CHL1: variants seen among roughly 807,000 people sequenced by gnomAD.
The protein encoded by CHL1 is cell adhesion molecule L1 like.
Under a neutral mutation model 141.9 loss-of-function variants are expected in CHL1, and 96 were observed. That is an observed-to-expected ratio of 0.68 (90% CI 0.57 to 0.80). The LOEUF (loss-of-function observed/expected upper bound fraction) is 0.80, where lower values mean the gene tolerates loss of function less well. Among genes scored for constraint, CHL1 ranks in the 30% least tolerant of loss-of-function variants. The pLI is 0.00. For missense variants in CHL1, 1,820 were observed against 1,457.2 expected, an observed-to-expected ratio of 1.25 and a Z score of -4.05; for synonymous variants, 613 against 502.2, an observed-to-expected ratio of 1.22 and a Z score of -2.95.
At chr3:395,457 T>C (rs543210584) in intron 24 of CHL1, among the ~76,000 whole-genome samples, 4 of 152,338 alleles carry the variant, frequency 2.6e-5, no homozygotes, top group Admixed American at 2.0e-4. Flanking sequence ...AACCATTTCC[T>C]TTCCCAAATT....
chr3:363,803 T>G (rs1158805370), intron 14 of CHL1: 2 of 157,096 alleles, frequency 1.3e-5, no homozygotes, highest in African/African-American at 4.8e-5. Context: ...GGGTTTTTGA[T>G]CCTCTTTTTG....
chr3:288,354 G>T (rs3933034), intron 2 of CHL1, among the ~76,000 whole-genome samples: 59,240 of 150,978 alleles, frequency 0.39, 11,872 homozygotes, highest in South Asian at 0.57. Context: ...ATATATACAG[G>T]CATAATTTAC....
At chr3:197,688 TG>T (rs1559254549) in intron 1 of CHL1, 1 of 412,668 alleles carries the variant, frequency 2.4e-6, no homozygotes, top group Non-Finnish European at 4.8e-6. Context: ...ACCGTGGGGT[TG>T]TGGGGTTGGG....
At chr3:362,540 G>T (rs1021582728) in intron 13 of CHL1, among the ~76,000 whole-genome samples, 1 of 151,842 alleles carries the variant, frequency 6.6e-6, no homozygotes, top group Non-Finnish European at 1.5e-5. Flanking sequence ...GTTAAATTTT[G>T]CATCTGGGGC....
intron 5 of CHL1, among the ~76,000 whole-genome samples, chr3:338,453 A>G (rs1277287636): frequency 6.6e-6 from 1 of 152,194 alleles, no homozygotes; most frequent in African/African-American, 2.4e-5. Flanking sequence ...TCATTTCTTT[A>G]TCTGAATTGA....
chr3:267,994 G>C (rs955797054), intron 2 of CHL1, among the ~76,000 whole-genome samples: 1 of 152,072 alleles, frequency 6.6e-6, no homozygotes, highest in Non-Finnish European at 1.5e-5. Flanking sequence ...GAAAAACCAT[G>C]CTTTGGTTTC....
chr3:292,726 A>G (rs1417393307), intron 2 of CHL1, among the ~76,000 whole-genome samples: 1 of 152,200 alleles, frequency 6.6e-6, no homozygotes, highest in East Asian at 1.9e-4. Flanking sequence ...GCTTTTACTC[A>G]TGGTGGAAGG....
intron 19 of CHL1, among the ~76,000 whole-genome samples, chr3:386,224 AAG>A (rs1387506735): frequency 2.0e-5 from 3 of 149,896 alleles, no homozygotes; most frequent in African/African-American, 7.6e-5. Context: ...AAAAAAAAAA[AAG>A]CTGATCTTTC....
At chr3:386,962 C>G (rs1246827840) in intron 19 of CHL1, among the ~76,000 whole-genome samples, 3 of 149,618 alleles carry the variant, frequency 2.0e-5, no homozygotes, top group South Asian at 2.1e-4. Context: ...TTTAGCCACT[C>G]CACAATGTAT....
intron 15 of CHL1, among the ~76,000 whole-genome samples, chr3:377,495 A>G (rs1481077145): frequency 2.6e-5 from 4 of 152,174 alleles, no homozygotes; most frequent in South Asian, 2.1e-4. Context: ...ACTCAAATAT[A>G]TCTTGGCCAT....
At chr3:360,564 T>A in intron 12 of CHL1, 140 bp downstream of exon 12, 1 of 830,662 alleles carries the variant, frequency 1.2e-6, no homozygotes, top group Non-Finnish European at 1.9e-6. Flanking sequence ...ATTTGAGTTT[T>A]AGACTTCACA....
At chr3:200,458 A>AT (rs376349970) in intron 1 of CHL1, among the ~76,000 whole-genome samples, 28 of 152,256 alleles carry the variant, frequency 1.8e-4, no homozygotes, top group African/African-American at 6.3e-4. Context: ...GTTCCTTGTT[A>AT]TTTTTTCAAA....
At chr3:339,049 C>G (rs952626183) in intron 5 of CHL1, among the ~76,000 whole-genome samples, 1 of 152,120 alleles carries the variant, frequency 6.6e-6, no homozygotes, top group Non-Finnish European at 1.5e-5. Flanking sequence ...ATTACATGCC[C>G]TTTCCATTTT....
At chr3:396,596 T>TTTTC (rs1419272655) in intron 24 of CHL1, among the ~76,000 whole-genome samples, 1 of 151,952 alleles carries the variant, frequency 6.6e-6, no homozygotes, top group Non-Finnish European at 1.5e-5. Flanking sequence ...ATGTGGCATC[T>TTTTC]TTTCTTTAAA....
chr3:225,277 C>T (rs1219520129), intron 1 of CHL1, among the ~76,000 whole-genome samples: 1 of 152,168 alleles, frequency 6.6e-6, no homozygotes, highest in East Asian at 1.9e-4. Flanking sequence ...ATGAGCAACT[C>T]AGAATGATCT....
At chr3:321,581 T>C (rs1559251077) in intron 3 of CHL1, among the ~76,000 whole-genome samples, 2 of 152,098 alleles carry the variant, frequency 1.3e-5, no homozygotes, top group Non-Finnish European at 2.9e-5. Context: ...TTGACCATAA[T>C]CTCTGGCATA....
chr3:282,153 C>T (rs1027213489), intron 2 of CHL1, among the ~76,000 whole-genome samples: 1 of 152,066 alleles, frequency 6.6e-6, no homozygotes, highest in Admixed American at 6.6e-5. Flanking sequence ...AGCTTTAAAA[C>T]TATTTTCTTA....
chr3:347,691 G>T (rs756917249), intron 9 of CHL1, among the ~76,000 whole-genome samples: 7 of 152,128 alleles, frequency 4.6e-5, no homozygotes, highest in African/African-American at 1.7e-4. Context: ...TTGGCAAATT[G>T]TCATTTTGAC....
chr3:317,152 G>T (rs1700206707), intron 2 of CHL1, among the ~76,000 whole-genome samples: 1 of 151,916 alleles, frequency 6.6e-6, no homozygotes, highest in Admixed American at 6.6e-5. Flanking sequence ...TCCTGCAGGA[G>T]GTAAGGTCAT....
Sources: allele counts gnomAD v4.1 joint callset (sites outside exome capture counted in the v4.1 genomes callset), GRCh38; gene constraint gnomAD v4.1.1; transcripts MANE v1.5; gene names NCBI Gene and HGNC (gene_info 2026-07-23, HGNC 2026-07-21).